The following TJP1 variants were observed in gnomAD, a reference collection of about 807,000 sequenced individuals.
TJP1 encodes the protein tight junction protein ZO-1.
TJP1 carries 43 observed loss-of-function variants against 194.2 expected under a neutral mutation model. The observed-to-expected ratio is 0.22, with a 90% CI of 0.17 to 0.29. The LOEUF is 0.29. Among genes scored for constraint, TJP1 ranks in the 10% least tolerant of loss-of-function variants. The pLI is 1.00. For synonymous variants in TJP1, 801 were observed against 779.0 expected, an observed-to-expected ratio of 1.03 and a Z score of -0.47; for missense variants, 1,971 against 2,185.7, an observed-to-expected ratio of 0.90 and a Z score of 1.96.
intron 1 of TJP1, among the ~76,000 whole-genome samples, chr15:29,961,334 CTTTTTTTTTTT>C (rs5811594): frequency 2.1e-3 from 187 of 89,840 alleles, no homozygotes; most frequent in Non-Finnish European, 3.1e-3. Context: ...TTTCCTAATT[CTTTTTTTTTTT>C]TTTTTTTTTT....
intron 2 of TJP1, among the ~76,000 whole-genome samples, chr15:29,873,062 T>C (rs547919045): frequency 5.4e-4 from 82 of 152,276 alleles, no homozygotes; most frequent in Middle Eastern, 3.4e-3. Flanking sequence ...TCTTGCAGGA[T>C]GAATGGGATT....
intron 23 of TJP1, 101 bp from the exon 24 acceptor site, chr15:29,711,101 A>G (rs1036917205): frequency 1.5e-6 from 2 of 1,360,838 alleles, no homozygotes; most frequent in East Asian, 2.4e-5. Flanking sequence ...AAAAAAAACT[A>G]GAAATTTCAC....
At chr15:29,903,908 A>G (rs1046900102) in intron 2 of TJP1, among the ~76,000 whole-genome samples, 5 of 152,242 alleles carry the variant, frequency 3.3e-5, no homozygotes, top group African/African-American at 7.2e-5. Context: ...GTATTTGTAG[A>G]GGGCAACCTG....
chr15:29,881,070 G>A (rs2052910293), intron 2 of TJP1, among the ~76,000 whole-genome samples: 1 of 152,080 alleles, frequency 6.6e-6, no homozygotes, highest in Non-Finnish European at 1.5e-5. Context: ...CAATGCAAGG[G>A]CTCCCTTTTC....
chr15:29,840,876 G>C lies in TJP1; in HGVS notation c.307-40174C>G, dbSNP rs556957177. Among the ~76,000 whole-genome samples the C allele has an allele frequency of 2.6e-5, 4 of 152,282 alleles. No individual in the cohort carries two copies. In the East Asian group the frequency reaches 7.7e-4, roughly 29 times the overall value. On this transcript the variant is annotated intron_variant, in intron 2 of 28. Transcript: ENST00000356107. ...AAGAAAGAAGAGAGCAAGGGCTAAG[G>C]GTACAGGTAGGAGAGAGAAGCAGAA...
Position 29,719,874 on chromosome 15 carries a change from GGTGA to G in TJP1, c.2902_2905del (p.Ser968HisfsTer6). On this transcript the variant is annotated frameshift_variant, in exon 20 of 28. Coordinates refer to ENST00000614355, the MANE Select transcript of TJP1 (RefSeq NM_001330239.4). LOFTEE classifies it high-confidence loss of function. ...TGGTGTTCTTAAAGAATCAGCTTGT[GGTGA>G]GTAAGAGGTGGAAGGAGCTGGGGTG... 3 of 1,614,104 alleles carry G rather than the reference GGTGA, an allele frequency of 1.9e-6. No individual in the cohort carries two copies. The highest frequency in any genetic ancestry group is 1.7e-6 in the Non-Finnish European group (2 of 1,180,020).
chr15:29,771,775 A>G (rs879647367), intron 4 of TJP1, among the ~76,000 whole-genome samples: 2 of 151,634 alleles, frequency 1.3e-5, no homozygotes, highest in African/African-American at 2.4e-5. Context: ...ACTGCACTCC[A>G]GCTTGGGCGA....
At chr15:29,783,430 C>G (rs559110980) in intron 2 of TJP1, among the ~76,000 whole-genome samples, 11 of 152,200 alleles carry the variant, frequency 7.2e-5, no homozygotes, top group Admixed American at 6.5e-5. Flanking sequence ...TTCCTCAGAG[C>G]TAAAAAGAAA....
intron 2 of TJP1, among the ~76,000 whole-genome samples, chr15:29,924,808 T>C (rs1286186703): frequency 6.6e-6 from 1 of 151,942 alleles, no homozygotes; most frequent in Non-Finnish European, 1.5e-5. Context: ...TAGGGCCGGT[T>C]TGCAAGTCGG....
chr15:29,821,097 T>C (rs1301338350), intron 1 of TJP1, among the ~76,000 whole-genome samples: 1 of 152,214 alleles, frequency 6.6e-6, no homozygotes, highest in East Asian at 1.9e-4. Flanking sequence ...TATTCCTTTG[T>C]TTGAAATAAC....
chr15:29,940,580 C>A (rs1253184675), intron 2 of TJP1, among the ~76,000 whole-genome samples: 2 of 152,116 alleles, frequency 1.3e-5, no homozygotes, highest in Non-Finnish European at 2.9e-5. Flanking sequence ...CGTGTGTGTG[C>A]ATACAGACAG....
At chr15:29,814,372 G>T (rs1378831227) in intron 1 of TJP1, among the ~76,000 whole-genome samples, 2 of 150,720 alleles carry the variant, frequency 1.3e-5, no homozygotes, top group African/African-American at 4.8e-5. Context: ...TAAATTTCTA[G>T]GATCGGGATC....
intron 15 of TJP1, 175 bp downstream of exon 15, chr15:29,732,258 T>C (rs1390611399): frequency 8.3e-6 from 5 of 601,840 alleles, no homozygotes; most frequent in Middle Eastern, 4.4e-4. Context: ...ATTAAAAGAA[T>C]TGGTGGAACA....
chr15:29,906,031 T>C (rs906059655), intron 2 of TJP1, among the ~76,000 whole-genome samples: 2 of 152,126 alleles, frequency 1.3e-5, no homozygotes, highest in African/African-American at 4.8e-5. Context: ...TAATGATGTG[T>C]CAATGTAGGT....
intron 2 of TJP1, among the ~76,000 whole-genome samples, chr15:29,946,358 T>C (rs1161164265): frequency 6.6e-6 from 1 of 152,242 alleles, no homozygotes; most frequent in Non-Finnish European, 1.5e-5. Context: ...GAAAGTCTGA[T>C]GAGAGACACT....
Position 29,732,857 on chromosome 15 carries a change from T to A in TJP1, c.1737-42A>T, listed in dbSNP as rs759052333. The A allele has an allele frequency of 2.8e-5, 42 of 1,526,530 alleles. No homozygotes were observed. The African/African-American group carries it at 5.0e-4, about 18-fold the overall frequency. 94.6% of individuals were successfully genotyped at this position (1,526,530 alleles called of 1,614,324 possible). On this transcript the variant is annotated intron_variant, in intron 13 of 27. Coordinates refer to ENST00000614355, the MANE Select transcript of TJP1 (RefSeq NM_001330239.4). ...AAAATTAAAATAAGGGCATTTAAAA[T>A]GCAAAATGGAAAAAGACCCACAATG...
intron 1 of TJP1, among the ~76,000 whole-genome samples, chr15:29,818,301 C>T (rs2050075110): frequency 6.6e-6 from 1 of 152,208 alleles, no homozygotes; most frequent in African/African-American, 2.4e-5. Context: ...CCTTCAGCCA[C>T]TTTTCTGTGA....
chr15:29,757,780 A>G (rs774828346), intron 8 of TJP1, among the ~76,000 whole-genome samples: 5 of 152,220 alleles, frequency 3.3e-5, no homozygotes, highest in East Asian at 1.9e-4. Context: ...AGCAGTGCAC[A>G]TAAGAGAAAG....
intron 2 of TJP1, among the ~76,000 whole-genome samples, chr15:29,799,578 C>A (rs955281221): frequency 1.3e-5 from 2 of 151,948 alleles, no homozygotes; most frequent in African/African-American, 4.8e-5. Context: ...CCACGCCTGG[C>A]TAATTTTTTT....
Sources: allele counts gnomAD v4.1 joint callset (sites outside exome capture counted in the v4.1 genomes callset), GRCh38; gene constraint gnomAD v4.1.1; transcripts MANE v1.5; gene names NCBI Gene and HGNC (gene_info 2026-07-23, HGNC 2026-07-21).